The following NEGR1 variants were observed in gnomAD, a reference collection of about 807,000 sequenced individuals.
NEGR1 encodes the protein neuronal growth regulator 1, also known as IgLON family member 4.
NEGR1 carries 10 observed loss-of-function variants against 40.9 expected under a neutral mutation model. The ratio of observed to expected loss-of-function variants is 0.24; its 90% CI spans 0.15 to 0.42. The LOEUF (loss-of-function observed/expected upper bound fraction) is 0.42, where lower values mean the gene tolerates loss of function less well. NEGR1 is among the 10% of genes least tolerant of loss of function. The pLI is 1.00. For synonymous variants in NEGR1, 185 were observed against 166.8 expected (o/e 1.11, Z -0.84); for missense variants, 352 against 438.9 (o/e 0.80, Z 1.77).
At chr1:72,280,495 T>C (rs1557612101) in intron 1 of NEGR1, among the ~76,000 whole-genome samples, 1 of 152,198 alleles carries the variant, frequency 6.6e-6, no homozygotes, top group Non-Finnish European at 1.5e-5. Context: ...ACCACTGTTG[T>C]TCAAACTTCT....
In NEGR1 at chr1:71,401,610, CA is replaced by C. The variant is rs1646247022; in HGVS notation, c.*5835del. Reference sequence around the variant, plus strand: ...CAAACAGATGTTCATGTTAGTATTTCAATATAAATGGCCTCAAACAACATCA... The same window carrying C: ...CAAACAGATGTTCATGTTAGTATTTCATATAAATGGCCTCAAACAACATCA... On this transcript the variant is annotated 3_prime_UTR_variant, in exon 7 of 7. Coordinates refer to ENST00000357731, the MANE Select transcript of NEGR1 (RefSeq NM_173808.3). 1.3e-5 allele frequency: 2 copies of C among 152,150 alleles called. No individual in the cohort carries two copies. The highest frequency in any genetic ancestry group is 4.8e-5 in the African/African-American group (2 of 41,436). The allele number at this position is 152,150 out of a possible 1,614,324, so 9.4% of individuals were successfully genotyped here. A position where few individuals can be genotyped will look rare whatever the true frequency, so the allele number is the denominator to read the frequency against.
intron 1 of NEGR1, among the ~76,000 whole-genome samples, chr1:71,996,785 T>C (rs1220379512): frequency 6.6e-6 from 1 of 152,112 alleles, no homozygotes; most frequent in Non-Finnish European, 1.5e-5. Context: ...ACTTTCTTTG[T>C]CGTACACACC....
chr1:71,824,733 G>T (rs551235071), intron 2 of NEGR1, among the ~76,000 whole-genome samples: 141 of 151,958 alleles, frequency 9.3e-4, no homozygotes, highest in African/African-American at 3.3e-3. Flanking sequence ...ACCATAAATA[G>T]TTTGGGCTAT....
At chr1:71,735,464 G>A (rs1036097190) in intron 3 of NEGR1, among the ~76,000 whole-genome samples, 3 of 151,944 alleles carry the variant, frequency 2.0e-5, no homozygotes, top group Non-Finnish European at 2.9e-5. Flanking sequence ...TTGCTTAATT[G>A]GGTGGCTGGT....
At chr1:71,836,651 C>T (rs1165154880) in intron 2 of NEGR1, among the ~76,000 whole-genome samples, 3 of 151,666 alleles carry the variant, frequency 2.0e-5, no homozygotes, top group Admixed American at 2.0e-4. Context: ...AAAGATAATT[C>T]CTATAAAAAA....
intron 1 of NEGR1, among the ~76,000 whole-genome samples, chr1:72,143,909 TATATA>T (rs1232711524): frequency 8.6e-4 from 53 of 61,476 alleles, no homozygotes; most frequent in African/African-American, 3.4e-3. Flanking sequence ...ATATATGATA[TATATA>T]ATATATATAT....
intron 1 of NEGR1, among the ~76,000 whole-genome samples, chr1:72,218,426 G>C (rs76962429): frequency 0.013 from 1,967 of 152,024 alleles, 41 homozygotes; most frequent in African/African-American, 0.045. Context: ...ATTATTTTAT[G>C]AACAACTCAC....
chr1:71,651,346 A>G (rs1366730087), intron 4 of NEGR1, among the ~76,000 whole-genome samples: 1 of 152,084 alleles, frequency 6.6e-6, no homozygotes, highest in African/African-American at 2.4e-5. Flanking sequence ...ATCTTAAGAA[A>G]ACTCATTAAA....
intron 4 of NEGR1, among the ~76,000 whole-genome samples, chr1:71,685,269 A>G (rs1652991343): frequency 6.6e-6 from 1 of 151,494 alleles, no homozygotes. Context: ...TTTAGCATTT[A>G]GTGATATTAT....
chr1:71,875,593 C>T (rs549218150), intron 2 of NEGR1, among the ~76,000 whole-genome samples: 6 of 152,236 alleles, frequency 3.9e-5, no homozygotes, highest in Admixed American at 6.6e-5. Context: ...GTTTGATGTG[C>T]AGATACGGGC....
intron 2 of NEGR1, among the ~76,000 whole-genome samples, chr1:71,793,502 T>C (rs1211462297): frequency 6.6e-6 from 1 of 151,316 alleles, no homozygotes; most frequent in South Asian, 2.1e-4. Flanking sequence ...TCATGTTATA[T>C]AGCCTACTCA....
At chr1:71,583,884 T>C (rs1225965691) in intron 6 of NEGR1, among the ~76,000 whole-genome samples, 3 of 152,160 alleles carry the variant, frequency 2.0e-5, no homozygotes, top group African/African-American at 4.8e-5. Flanking sequence ...ACTAATTGGA[T>C]TGACTCAAAG....
intron 6 of NEGR1, among the ~76,000 whole-genome samples, chr1:71,560,680 T>C (rs561038397): frequency 1.3e-5 from 2 of 151,110 alleles, no homozygotes; most frequent in South Asian, 4.2e-4. Flanking sequence ...TTGTGTCTCA[T>C]AAAAGTGATC....
At chr1:71,537,571 A>T (rs1469973646) in intron 6 of NEGR1, among the ~76,000 whole-genome samples, 1 of 151,744 alleles carries the variant, frequency 6.6e-6, no homozygotes, top group Non-Finnish European at 1.5e-5. Context: ...ACAATTTTCC[A>T]ATCTTGTTCT....
intron 1 of NEGR1, among the ~76,000 whole-genome samples, chr1:72,244,011 T>A (rs1358924924): frequency 6.6e-6 from 1 of 151,886 alleles, no homozygotes; most frequent in Non-Finnish European, 1.5e-5. Context: ...AAGTATAGCA[T>A]CTTAATCTGA....
At chr1:72,154,734 T>C (rs1570050897) in intron 1 of NEGR1, among the ~76,000 whole-genome samples, 1 of 152,026 alleles carries the variant, frequency 6.6e-6, no homozygotes, top group Admixed American at 6.6e-5. Flanking sequence ...TAATATTCTT[T>C]ACACATGACT....
intron 1 of NEGR1, among the ~76,000 whole-genome samples, chr1:72,058,672 T>A (rs1569892429): frequency 6.6e-6 from 1 of 151,762 alleles, no homozygotes; most frequent in South Asian, 2.1e-4. Context: ...GGTAGGCAAA[T>A]GTTTCATTTA....
chr1:71,655,660 G>A (rs144767853), intron 4 of NEGR1, among the ~76,000 whole-genome samples: 2 of 152,182 alleles, frequency 1.3e-5, no homozygotes, highest in Non-Finnish European at 2.9e-5. Flanking sequence ...ATTACTTGAT[G>A]AGGGTGGGTT....
chr1:72,012,148 G>A (rs1173255591), intron 1 of NEGR1, among the ~76,000 whole-genome samples: 1 of 152,060 alleles, frequency 6.6e-6, no homozygotes, highest in Non-Finnish European at 1.5e-5. Context: ...TATAACACAA[G>A]GTGAAGACAG....
Sources: allele counts gnomAD v4.1 joint callset (sites outside exome capture counted in the v4.1 genomes callset), GRCh38; gene constraint gnomAD v4.1.1; transcripts MANE v1.5; gene names NCBI Gene and HGNC (gene_info 2026-07-23, HGNC 2026-07-21).